RASD2: variants seen among roughly 807,000 people sequenced by gnomAD.
RASD2 encodes the protein GTP-binding protein Rhes.
Under a neutral mutation model 15.8 loss-of-function variants are expected in RASD2, and 7 were observed. The observed-to-expected ratio is 0.44, with a 90% CI of 0.25 to 0.83. The LOEUF (loss-of-function observed/expected upper bound fraction) is 0.83, where lower values mean the gene tolerates loss of function less well. RASD2 is among the 40% of genes least tolerant of loss of function. RASD2 has a pLI of 0.20. For synonymous variants in RASD2, 155 were observed against 153.6 expected, an observed-to-expected ratio of 1.01 and a Z score of -0.07; for missense variants, 274 against 382.8, an observed-to-expected ratio of 0.72 and a Z score of 2.37.
At chr22:35,548,380 T>G (rs889439454) in intron 2 of RASD2, among the ~76,000 whole-genome samples, 7 of 152,238 alleles carry the variant, frequency 4.6e-5, no homozygotes, top group Non-Finnish European at 5.9e-5. Context: ...GGTGAGCAGA[T>G]AGTAAATGCA....
At chr22:35,550,522 C>A (rs1934635962) in intron 2 of RASD2, among the ~76,000 whole-genome samples, 1 of 151,680 alleles carries the variant, frequency 6.6e-6, no homozygotes, top group African/African-American at 2.4e-5. Flanking sequence ...ATGGAGGTAC[C>A]AGTCCAGACA....
In RASD2 at chr22:35,551,709, G is replaced by T; in HGVS notation, c.478G>T (p.Val160Leu). Reference protein sequence around the residue: ...QVPTTEAELLVSGDENCAYFE... With the variant: ...QVPTTEAELLLSGDENCAYFE... Reference sequence around the variant, plus strand: ...GCCCACCACCGAGGCCGAGCTGCTGGTGTCGGGCGACGAGAACTGCGCCTA... The same window carrying T: ...GCCCACCACCGAGGCCGAGCTGCTGTTGTCGGGCGACGAGAACTGCGCCTA... The change falls in exon 3 of 3, where the codon GTG (valine) becomes TTG (leucine). Residue 160 changes from valine to leucine, a missense_variant. Physicochemically the swap from Val to Leu is conservative, Grantham distance 32. Transcript: ENST00000216127. The surrounding 1 kb of genome is among the most constrained non-coding windows in gnomAD (Gnocchi z 4.9). 6.2e-7 allele frequency: 1 copy of T among 1,613,846 alleles called. No homozygotes were observed. Among genetic ancestry groups the T allele is most frequent in the African/African-American group, 1.3e-5 (1 of 75,042 alleles).
chr22:35,552,086 A>T lies in RASD2; in HGVS notation c.*54A>T. The T allele has an allele frequency of 6.5e-7, 1 of 1,547,766 alleles. No individual in the cohort carries two copies. Among genetic ancestry groups the T allele is most frequent in the Admixed American group, 1.8e-5 (1 of 57,034 alleles). ...AGTGCCTTCAGGGAGGTGGCCCCAGATGCCCACTGTGCGCATCTCCCCACC... is the reference window on the plus strand; with the variant it reads ...AGTGCCTTCAGGGAGGTGGCCCCAGTTGCCCACTGTGCGCATCTCCCCACC... On this transcript the variant is annotated 3_prime_UTR_variant, in exon 3 of 3. Coordinates refer to ENST00000216127, the MANE Select transcript of RASD2 (RefSeq NM_014310.4).
chr22:35,537,166 C>T (rs1934257191), upstream of RASD2, among the ~76,000 whole-genome samples: 1 of 152,214 alleles, frequency 6.6e-6, no homozygotes, highest in Non-Finnish European at 1.5e-5. Flanking sequence ...CTCCCTGAAC[C>T]TCAGTTTCCC....
At chr22:35,543,143 C>G (rs759264336) in intron 1 of RASD2, among the ~76,000 whole-genome samples, 3 of 152,146 alleles carry the variant, frequency 2.0e-5, no homozygotes, top group Non-Finnish European at 4.4e-5. Context: ...ATCAGTGTCC[C>G]CATCAGTCAA....
At chr22:35,536,806 G>T (rs556267247), upstream of RASD2, among the ~76,000 whole-genome samples, 1 of 134,006 alleles carries the variant, frequency 7.5e-6, no homozygotes, top group South Asian at 2.4e-4. Flanking sequence ...TTAGAGTGAG[G>T]CCTGAGATTC....
chr22:35,547,156 T>G, intron 2 of RASD2, 76 bp downstream of exon 2: 2 of 1,425,156 alleles, frequency 1.4e-6, no homozygotes, highest in Non-Finnish European at 1.9e-6. Context: ...ACTTGGCAGT[T>G]TGCATAGACT....
At chr22:35,543,820 T>C (rs2899253) in intron 1 of RASD2, among the ~76,000 whole-genome samples, 1 of 148,826 alleles carries the variant, frequency 6.7e-6, no homozygotes, top group Admixed American at 6.6e-5. Flanking sequence ...TCTCTCTGAC[T>C]CTTTGCCTCC....
chr22:35,538,794 T>C (rs1934282449), upstream of RASD2, among the ~76,000 whole-genome samples: 1 of 152,258 alleles, frequency 6.6e-6, no homozygotes, highest in African/African-American at 2.4e-5. Flanking sequence ...TGAGTCTTCC[T>C]GACCCCAGCC....
At chr22:35,536,907 G>C (rs1041998304), upstream of RASD2, among the ~76,000 whole-genome samples, 1 of 152,170 alleles carries the variant, frequency 6.6e-6, no homozygotes, top group Non-Finnish European at 1.5e-5. Flanking sequence ...GTGCACATTA[G>C]AATTACTTAG....
At position 35,552,309 on chromosome 22, in the gene RASD2, T is replaced by G; in HGVS notation, c.*277T>G. On this transcript the variant is annotated 3_prime_UTR_variant, in exon 3 of 3. Transcript: ENST00000216127. ...GTTAGGCAGAGACTCAAGTTACACCTTCCTCTCCTGGGGTTGGAAGAAATG... is the reference window on the plus strand; with the variant it reads ...GTTAGGCAGAGACTCAAGTTACACCGTCCTCTCCTGGGGTTGGAAGAAATG... 2.0e-6 allele frequency: 1 copy of G among 494,258 alleles called. No individual in the cohort carries two copies. The allele number at this position is 494,258 out of a possible 1,614,324, so 30.6% of individuals were successfully genotyped here.
At chr22:35,547,373 A>G (rs1379328415) in intron 2 of RASD2, among the ~76,000 whole-genome samples, 1 of 152,234 alleles carries the variant, frequency 6.6e-6, no homozygotes, top group Non-Finnish European at 1.5e-5. Context: ...AGGGAACAGA[A>G]TGATGCCCTG....
At chr22:35,548,227 C>A (rs1934567084) in intron 2 of RASD2, among the ~76,000 whole-genome samples, 3 of 152,182 alleles carry the variant, frequency 2.0e-5, no homozygotes. Context: ...AGCCCTGGTT[C>A]CGCTGCTTCC....
At chr22:35,547,269 A>G (rs1170297987) in intron 2 of RASD2, among the ~76,000 whole-genome samples, 189 bp downstream of exon 2, 1 of 152,240 alleles carries the variant, frequency 6.6e-6, no homozygotes, top group Non-Finnish European at 1.5e-5. Context: ...CCCCGATTCC[A>G]TTCTGTTAGA....
the RASD2 span, among the ~76,000 whole-genome samples, chr22:35,533,820 GTGA>G: frequency 1.4e-5 from 2 of 144,316 alleles, no homozygotes; most frequent in Non-Finnish European, 1.5e-5. Flanking sequence ...TGTGATGATG[GTGA>G]TGATGATGAT....
rs1330508261 is a variant in RASD2, at chr22:35,553,984, G to C, written c.*1952G>C. On this transcript the variant is annotated 3_prime_UTR_variant, in exon 3 of 3. Transcript: ENST00000216127. ...ATCTCCGTGTACACTATCAATAAAA[G>C]TGGGTTTGTTACAAAGCCGTGTCCT... 1 of 152,718 alleles carries C rather than the reference G, an allele frequency of 6.5e-6. No individual in the cohort carries two copies. The highest frequency in any genetic ancestry group is 1.5e-5 in the Non-Finnish European group (1 of 68,086). 9.5% of individuals were successfully genotyped at this position (152,718 alleles called of 1,614,324 possible).
chr22:35,542,050 G>A (rs927957590), intron 1 of RASD2, among the ~76,000 whole-genome samples: 2 of 152,140 alleles, frequency 1.3e-5, no homozygotes, highest in African/African-American at 4.8e-5. Flanking sequence ...AGCTGTCTTG[G>A]AGGGCCCGGA....
At chr22:35,535,684 C>T in the RASD2 span, among the ~76,000 whole-genome samples, 1 of 152,198 alleles carries the variant, frequency 6.6e-6, no homozygotes, top group Non-Finnish European at 1.5e-5. Context: ...GCACAGGCTC[C>T]AGCATGTGCA....
chr22:35,544,318 C>A (rs1169183115), intron 1 of RASD2, among the ~76,000 whole-genome samples: 1 of 152,152 alleles, frequency 6.6e-6, no homozygotes, highest in Non-Finnish European at 1.5e-5. Context: ...CCGGCAGAGA[C>A]TGAGAAGGGC....
Sources: gnomAD v4.1 joint callset for allele counts (sites outside exome capture counted in the v4.1 genomes callset) on GRCh38, gnomAD v4.1.1 for gene constraint, Gnocchi (gnomAD v3.1) non-coding constraint, MANE v1.5 for transcripts, NCBI Gene and HGNC (gene_info 2026-07-23, HGNC 2026-07-21) for gene names.